MECOM: variants seen among roughly 807,000 people sequenced by gnomAD.
MECOM encodes the protein histone-lysine N-methyltransferase MECOM.
A neutral mutation model predicts 116.3 loss-of-function variants in MECOM; 13 were observed. That is an observed-to-expected ratio of 0.11 (90% CI 0.07 to 0.18). The LOEUF is 0.18. Ranked by LOEUF, MECOM falls within the 10% of genes least tolerant of loss-of-function variation. The pLI is 1.00. For missense variants in MECOM, 1,299 were observed against 1,509.0 expected (o/e 0.86, Z 2.31); for synonymous variants, 528 against 535.2 (o/e 0.99, Z 0.19).
intron 1 of MECOM, among the ~76,000 whole-genome samples, chr3:169,387,406 G>T (rs1190695163): frequency 1.3e-5 from 2 of 152,130 alleles, no homozygotes; most frequent in Non-Finnish European, 2.9e-5. Flanking sequence ...CTCACCATTT[G>T]TTTCTTTTGG....
chr3:169,421,319 T>A (rs1274898993), intron 1 of MECOM, among the ~76,000 whole-genome samples: 1 of 152,182 alleles, frequency 6.6e-6, no homozygotes, highest in East Asian at 1.9e-4. Context: ...ATGCTAGAAT[T>A]TAGCAGATTC....
intron 12 of MECOM, among the ~76,000 whole-genome samples, chr3:169,100,225 A>G (rs1285812190): frequency 6.6e-6 from 1 of 151,238 alleles, no homozygotes; most frequent in African/African-American, 2.4e-5. Context: ...CAGTCTCACA[A>G]GTAGCTGGGA....
At chr3:169,166,827 T>C (rs1291578303) in intron 2 of MECOM, among the ~76,000 whole-genome samples, 1 of 152,206 alleles carries the variant, frequency 6.6e-6, no homozygotes, top group Non-Finnish European at 1.5e-5. Flanking sequence ...TCTATTTTTA[T>C]AATTATTGAT....
At chr3:169,282,378 C>T (rs1712259325) in intron 2 of MECOM, among the ~76,000 whole-genome samples, 1 of 152,070 alleles carries the variant, frequency 6.6e-6, no homozygotes, top group Non-Finnish European at 1.5e-5. Flanking sequence ...AAGAAGGTAT[C>T]CCCCCAGATA....
In MECOM at chr3:169,307,435, G is replaced by A. The variant is rs3863102; in HGVS notation, c.375+73752C>T. On this transcript the variant is annotated intron_variant, in intron 2 of 16. Coordinates refer to ENST00000651503, the MANE Select transcript of MECOM (RefSeq NM_004991.4). ...TGCCTCTACCAAAAATTAGCTGGGT[G>A]TGGTGGCATGTGCCTGTGGTCCCGG... 6.8e-3 allele frequency among the ~76,000 whole-genome samples: 1,034 copies of A among 152,266 alleles called. 97 individuals carry two copies. The East Asian group carries it at 0.18, about 27-fold the overall frequency.
chr3:169,471,774 C>T (rs1029165823), intron 1 of MECOM, among the ~76,000 whole-genome samples: 3 of 152,322 alleles, frequency 2.0e-5, no homozygotes, highest in Middle Eastern at 3.4e-3. Context: ...ACTTCCATGT[C>T]GTTTCCCTCT....
At chr3:169,424,887 A>G (rs1740378735) in intron 1 of MECOM, among the ~76,000 whole-genome samples, 1 of 152,116 alleles carries the variant, frequency 6.6e-6, no homozygotes, top group Non-Finnish European at 1.5e-5. Context: ...TATTACAGTC[A>G]AACAAGTGAT....
chr3:169,507,928 G>A (rs1215133765), intron 1 of MECOM, among the ~76,000 whole-genome samples: 1 of 151,616 alleles, frequency 6.6e-6, no homozygotes, highest in Non-Finnish European at 1.5e-5. Context: ...CCAAAGTGCT[G>A]GGATCACAGG....
intron 2 of MECOM, among the ~76,000 whole-genome samples, chr3:169,225,244 G>A (rs1055630442): frequency 3.3e-5 from 5 of 152,146 alleles, no homozygotes; most frequent in African/African-American, 9.7e-5. Flanking sequence ...CTAAATACAA[G>A]TGGAGAGCTA....
chr3:169,501,045 G>A (rs1363951661), intron 1 of MECOM, among the ~76,000 whole-genome samples: 1 of 151,934 alleles, frequency 6.6e-6, no homozygotes, highest in African/African-American at 2.4e-5. Context: ...GTAGAATTCA[G>A]GAATACAACT....
At chr3:169,591,959 C>T (rs1766467209) in intron 1 of MECOM, among the ~76,000 whole-genome samples, 1 of 152,118 alleles carries the variant, frequency 6.6e-6, no homozygotes, top group South Asian at 2.1e-4. Context: ...TTCTGGTCCC[C>T]ACCCATTTCA....
At chr3:169,203,779 C>T (rs1749520960) in intron 2 of MECOM, among the ~76,000 whole-genome samples, 1 of 152,086 alleles carries the variant, frequency 6.6e-6, no homozygotes, top group Non-Finnish European at 1.5e-5. Flanking sequence ...GCTGTCATTG[C>T]ATTCTTAGTA....
chr3:169,653,768 T>C (rs1775200940), intron 1 of MECOM, among the ~76,000 whole-genome samples: 1 of 152,194 alleles, frequency 6.6e-6, no homozygotes, highest in South Asian at 2.1e-4. Context: ...AATCCTCACA[T>C]GAGGTAAGTA....
At chr3:169,544,095 C>A (rs1760427481) in intron 1 of MECOM, among the ~76,000 whole-genome samples, 1 of 152,152 alleles carries the variant, frequency 6.6e-6, no homozygotes, top group Admixed American at 6.5e-5. Flanking sequence ...ACCATGTTGG[C>A]CAGGCTGGTC....
rs530502782 is a variant in MECOM at position 169,123,064 on chromosome 3, C to T, written c.831-337G>A. On this transcript the variant is annotated intron_variant, in intron 5 of 16. Transcript: ENST00000651503. ...TCACTACACAATTCTAACAACAACA[C>T]GTATTGCTAATACTCACTTAATTGA... Among the ~76,000 whole-genome samples, 7 of 151,970 alleles carry T rather than the reference C, an allele frequency of 4.6e-5. No homozygotes were observed. The South Asian group carries it at 8.3e-4, about 18-fold the overall frequency.
Position 169,486,655 on chromosome 3 carries a change from G to T in MECOM, c.38-105131C>A, listed in dbSNP as rs994885609. Among the ~76,000 whole-genome samples the T allele has an allele frequency of 5.3e-5, 8 of 152,134 alleles. No homozygotes were observed. In the South Asian group the frequency reaches 1.7e-3, roughly 32 times the overall value. ...AATCTGAGTTAAAAAAAGAAAAAAGGCTATCTCCTGGGATTTAGGATTGGA... is the reference window on the plus strand; with the variant it reads ...AATCTGAGTTAAAAAAAGAAAAAAGTCTATCTCCTGGGATTTAGGATTGGA... On this transcript the variant is annotated intron_variant, in intron 1 of 16. Transcript: ENST00000651503.
chr3:169,436,817 T>C (rs1270585117), intron 1 of MECOM, among the ~76,000 whole-genome samples: 1 of 152,176 alleles, frequency 6.6e-6, no homozygotes, highest in African/African-American at 2.4e-5. Flanking sequence ...TTAAAAATTT[T>C]TGGAAATTTT....
chr3:169,406,905 A>G (rs1044767592), intron 1 of MECOM, among the ~76,000 whole-genome samples: 4 of 150,850 alleles, frequency 2.7e-5, no homozygotes, highest in Middle Eastern at 3.2e-3. Context: ...GCAGTGATGC[A>G]ATCTCGGTTC....
At chr3:169,303,249 G>A (rs989072080) in intron 2 of MECOM, among the ~76,000 whole-genome samples, 2 of 152,060 alleles carry the variant, frequency 1.3e-5, no homozygotes, top group African/African-American at 4.8e-5. Flanking sequence ...AAAGTTCCTT[G>A]CCATTCTTTC....
Sources: gnomAD v4.1 joint callset for allele counts (sites outside exome capture counted in the v4.1 genomes callset) on GRCh38, gnomAD v4.1.1 for gene constraint, MANE v1.5 for transcripts, NCBI Gene and HGNC (gene_info 2026-07-23, HGNC 2026-07-21) for gene names.